Variants in TMEM242 observed in about 807,000 individuals in gnomAD.
TMEM242 encodes UPF0463 transmembrane protein C6orf35.
In TMEM242, 10 loss-of-function variants were observed where a neutral mutation model predicts 18.2. The ratio of observed to expected loss-of-function variants is 0.55; its 90% CI spans 0.34 to 0.93. The LOEUF is 0.93. Among genes scored for constraint, TMEM242 ranks in the 40% least tolerant of loss-of-function variants. TMEM242 has a pLI of 0.02. For synonymous variants in TMEM242, 57 were observed against 69.9 expected, an observed-to-expected ratio of 0.81 and a Z score of 0.92; for missense variants, 186 against 175.5, an observed-to-expected ratio of 1.06 and a Z score of -0.34.
At position 157,310,545 on chromosome 6, in the gene TMEM242, C is replaced by T. The variant is rs942023144; in HGVS notation, c.327+8237G>A. Reference sequence around the variant, plus strand: ...GGCCTCATCATGGTATCCCAGTGTGCGCTCACCTAGCCTCATCATAGTGCC... The same window carrying T: ...GGCCTCATCATGGTATCCCAGTGTGTGCTCACCTAGCCTCATCATAGTGCC... On this transcript the variant is annotated intron_variant, in intron 3 of 3. Transcript: ENST00000400788. 4.8e-5 allele frequency among the ~76,000 whole-genome samples: 7 copies of T among 145,604 alleles called. No individual in the cohort carries two copies. In the East Asian group the frequency reaches 6.0e-4, roughly 12 times the overall value.
intron 3 of TMEM242, among the ~76,000 whole-genome samples, chr6:157,297,770 CCA>C (rs1352121082): frequency 2.0e-4 from 30 of 152,286 alleles, no homozygotes; most frequent in African/African-American, 7.0e-4. Flanking sequence ...TTGTTGCTAT[CCA>C]CATGGATCCT....
At chr6:157,303,242 T>A (rs1777853494) in intron 3 of TMEM242, among the ~76,000 whole-genome samples, 2 of 152,170 alleles carry the variant, frequency 1.3e-5, no homozygotes, top group Non-Finnish European at 2.9e-5. Context: ...AATGAGGAAC[T>A]GTAGAGCTGA....
At chr6:157,314,534 G>T (rs34651859) in intron 3 of TMEM242, among the ~76,000 whole-genome samples, 38,953 of 152,136 alleles carry the variant, frequency 0.26, 5,051 homozygotes, top group South Asian at 0.39. Context: ...AAACTGAACA[G>T]TCAAGCCGTG....
intron 3 of TMEM242, among the ~76,000 whole-genome samples, chr6:157,304,323 G>A (rs952045244): frequency 1.3e-5 from 2 of 151,700 alleles, no homozygotes; most frequent in African/African-American, 2.4e-5. Context: ...AAAATCAGTC[G>A]GGCATGGTGG....
intron 3 of TMEM242, among the ~76,000 whole-genome samples, chr6:157,306,499 A>G (rs1196848773): frequency 6.6e-6 from 1 of 152,158 alleles, no homozygotes; most frequent in Non-Finnish European, 1.5e-5. Flanking sequence ...AGAATGACTC[A>G]GGAGTAGGTT....
chr6:157,322,650 C>T, intron 2 of TMEM242, 55 bp downstream of exon 2: 1 of 1,448,900 alleles, frequency 6.9e-7, no homozygotes, highest in Non-Finnish European at 9.4e-7. Context: ...TACGCAAAAG[C>T]TGCCATATAT....
Position 157,312,527 on chromosome 6 carries a change from CCA to C in TMEM242, c.327+6253_327+6254del, listed in dbSNP as rs1453006585. On this transcript the variant is annotated intron_variant, in intron 3 of 3. Coordinates refer to ENST00000400788, the MANE Select transcript of TMEM242 (RefSeq NM_018452.6). ...ACTCACCGAGCCTCATCATACCGCC[CCA>C]GTGTGCACTCAGCTAGCCTCATCAT... Among the ~76,000 whole-genome samples, 8 of 141,112 alleles carry C rather than the reference CCA, an allele frequency of 5.7e-5. 1 individual carries two copies. Among genetic ancestry groups the C allele is most frequent in the African/African-American group, 2.1e-4 (8 of 37,298 alleles). 92.6% of individuals were successfully genotyped at this position (141,112 alleles called of 152,430 possible). A position where few individuals can be genotyped will look rare whatever the true frequency, so the allele number is the denominator to read the frequency against.
chr6:157,307,116 G>T (rs1464045110), intron 3 of TMEM242, among the ~76,000 whole-genome samples: 1 of 152,154 alleles, frequency 6.6e-6, no homozygotes, highest in African/African-American at 2.4e-5. Context: ...TTTTAAAACG[G>T]AGCTTGAGGG....
At chr6:157,317,505 C>A (rs1428502990) in intron 3 of TMEM242, among the ~76,000 whole-genome samples, 1 of 152,142 alleles carries the variant, frequency 6.6e-6, no homozygotes, top group African/African-American at 2.4e-5. Context: ...CTTCCTCAGA[C>A]CTCTTCTCTT....
At chr6:157,306,149 G>A (rs1554247896) in intron 3 of TMEM242, among the ~76,000 whole-genome samples, 1 of 152,234 alleles carries the variant, frequency 6.6e-6, no homozygotes, top group Non-Finnish European at 1.5e-5. Flanking sequence ...TGCCCAAAAG[G>A]CAGGGTGGGC....
In TMEM242 at chr6:157,290,394, A is replaced by G. The variant is rs1384364217; in HGVS notation, c.*2507T>C. The G allele has an allele frequency of 6.6e-6, 1 of 152,194 alleles. No individual in the cohort carries two copies. Among genetic ancestry groups the G allele is most frequent in the East Asian group, 1.9e-4 (1 of 5,194 alleles). The allele number at this position is 152,194 out of a possible 1,614,324, so 9.4% of individuals were successfully genotyped here. A position where few individuals can be genotyped will look rare whatever the true frequency, so the allele number is the denominator to read the frequency against. ...GTCTGTGAAAAATGTCATCCTGGTT[A>G]ATAGGGTGATTAAAACTCTTTATGC... On this transcript the variant is annotated 3_prime_UTR_variant, in exon 4 of 4. Coordinates refer to ENST00000400788, the MANE Select transcript of TMEM242 (RefSeq NM_018452.6).
chr6:157,309,375 A>G (rs1583561130), intron 3 of TMEM242, among the ~76,000 whole-genome samples: 2 of 151,972 alleles, frequency 1.3e-5, no homozygotes, highest in Non-Finnish European at 1.5e-5. Flanking sequence ...CAATATATAT[A>G]CGAAGATAAA....
At chr6:157,319,790 C>G (rs782749709) in intron 2 of TMEM242, among the ~76,000 whole-genome samples, 1 of 152,296 alleles carries the variant, frequency 6.6e-6, no homozygotes, top group Admixed American at 6.5e-5. Flanking sequence ...GTTTAAATAG[C>G]AAGATTACTA....
chr6:157,308,823 G>A (rs587647958), intron 3 of TMEM242, among the ~76,000 whole-genome samples: 2 of 152,264 alleles, frequency 1.3e-5, no homozygotes, highest in African/African-American at 2.4e-5. Flanking sequence ...GCCACTCAGG[G>A]CAAGGATCCC....
intron 3 of TMEM242, among the ~76,000 whole-genome samples, chr6:157,296,265 T>C (rs1777747910): frequency 6.6e-6 from 1 of 152,136 alleles, no homozygotes; most frequent in Non-Finnish European, 1.5e-5. Context: ...TCCCAAGCAT[T>C]TTCCAAACTG....
At chr6:157,308,499 T>G (rs587607158) in intron 3 of TMEM242, among the ~76,000 whole-genome samples, 4 of 152,340 alleles carry the variant, frequency 2.6e-5, no homozygotes, top group African/African-American at 9.6e-5. Flanking sequence ...CCTTAAAGAT[T>G]CTCTTGTAAT....
chr6:157,298,046 TCAAAATGGCCA>T (rs1212771008), intron 3 of TMEM242, among the ~76,000 whole-genome samples: 1 of 152,196 alleles, frequency 6.6e-6, no homozygotes, highest in Non-Finnish European at 1.5e-5. Context: ...GAAGTATGCA[TCAAAATGGCCA>T]ATTTTTATGA....
At chr6:157,300,000 CG>C (rs1398119283) in intron 3 of TMEM242, 2 of 1,338,050 alleles carry the variant, frequency 1.5e-6, no homozygotes, top group African/African-American at 1.4e-5. Context: ...TCACTCTTCA[CG>C]GGGGTGAAGA....
chr6:157,315,381 ACTACCG>A (rs879996210), intron 3 of TMEM242, among the ~76,000 whole-genome samples: 5 of 152,210 alleles, frequency 3.3e-5, no homozygotes, highest in Admixed American at 2.6e-4. Context: ...ATTAGTAAAC[ACTACCG>A]CCTTTAAAAG....
Sources: gnomAD v4.1 joint callset for allele counts (sites outside exome capture counted in the v4.1 genomes callset) on GRCh38, gnomAD v4.1.1 for gene constraint, MANE v1.5 for transcripts, NCBI Gene and HGNC (gene_info 2026-07-23, HGNC 2026-07-21) for gene names.